Variants in NAA35 observed in about 807,000 individuals in gnomAD.
NAA35 encodes N-alpha-acetyltransferase 35, NatC auxiliary subunit, also known as MAK10 homolog, amino-acid N-acetyltransferase subunit.
In NAA35, 18 loss-of-function variants were observed where a neutral mutation model predicts 101.7. The ratio of observed to expected loss-of-function variants is 0.18; its 90% confidence interval spans 0.12 to 0.26. NAA35 has a LOEUF of 0.26. Among genes scored for constraint, NAA35 ranks in the 10% least tolerant of loss-of-function variants. The probability of loss-of-function intolerance (pLI) is 1.00; values close to 1 mark genes in which losing one functional copy is unlikely to be tolerated. For missense variants in NAA35, 601 were observed against 886.8 expected (o/e 0.68, Z 4.09); for synonymous variants, 267 against 273.1 (o/e 0.98, Z 0.22).
At position 85,962,108 on chromosome 9, in the gene NAA35, T is replaced by C; in HGVS notation, c.444T>C (p.Ala148=). 6.2e-7 allele frequency: 1 copy of C among 1,614,138 alleles called. No homozygotes were observed. ...PDFIEDPAMK[A]FALGILKICD... ...TTATAGAAGATCCTGCTATGAAGGC[T>C]TTTGCTCTGGGAATCTTGAAAATCT... The change falls in exon 6 of 23, where the codon GCT becomes GCC. Residue 148 remains alanine (A), a synonymous_variant. Coordinates refer to ENST00000361671, the MANE Select transcript of NAA35 (RefSeq NM_024635.4).
rs182904944 is a variant in NAA35 at position 85,993,915 on chromosome 9, C to A, written c.878-2484C>A. Among the ~76,000 whole-genome samples the A allele has an allele frequency of 1.6e-3, 246 of 152,238 alleles. 1 individual carries two copies. Among genetic ancestry groups the A allele is most frequent in the African/African-American group, 3.8e-3 (156 of 41,538 alleles). ...CCTCATCGTCCTGTACTCAAGCTGT[C>A]CTCCCATCTCAGCCTCCCCAGTAGC... On this transcript the variant is annotated intron_variant, in intron 11 of 22. Transcript: ENST00000361671.
At chr9:85,955,719 A>C (rs929210459) in intron 2 of NAA35, among the ~76,000 whole-genome samples, 1 of 152,208 alleles carries the variant, frequency 6.6e-6, no homozygotes, top group Non-Finnish European at 1.5e-5. Context: ...ACTTACCTGC[A>C]TATTAAAATC....
chr9:85,986,141 C>G (rs371472345), intron 11 of NAA35, among the ~76,000 whole-genome samples: 6 of 152,174 alleles, frequency 3.9e-5, no homozygotes, highest in East Asian at 1.9e-4. Context: ...ACCACTGTTG[C>G]ATTTGATGTA....
intron 21 of NAA35, among the ~76,000 whole-genome samples, chr9:86,020,557 A>G (rs1471409854): frequency 6.6e-6 from 1 of 152,208 alleles, no homozygotes; most frequent in Non-Finnish European, 1.5e-5. Flanking sequence ...TAATTAATAA[A>G]TTTTGACTGG....
At chr9:85,973,919 T>C (rs1028470333) in intron 6 of NAA35, among the ~76,000 whole-genome samples, 1 of 151,938 alleles carries the variant, frequency 6.6e-6, no homozygotes, top group African/African-American at 2.4e-5. Context: ...TGTAGCTCCA[T>C]CCCCTTTTGA....
rs529960925 is a variant in NAA35 at position 86,023,027 on chromosome 9, C to CT, written c.*1068dup. ...GTTCTCAGCTTCAAATATCTTAACT[C>CT]TGATTTGGTACCTTTCATAAAAACA... On this transcript the variant is annotated 3_prime_UTR_variant, in exon 23 of 23. Coordinates refer to ENST00000361671, the MANE Select transcript of NAA35 (RefSeq NM_024635.4). Among the ~76,000 whole-genome samples, 185 of 152,258 alleles carry CT rather than the reference C, an allele frequency of 1.2e-3. 1 individual carries two copies. Among genetic ancestry groups the CT allele is most frequent in the African/African-American group, 4.3e-3 (177 of 41,562 alleles).
intron 6 of NAA35, among the ~76,000 whole-genome samples, chr9:85,964,416 A>G (rs1157971994): frequency 6.6e-6 from 1 of 152,250 alleles, no homozygotes; most frequent in African/African-American, 2.4e-5. Context: ...TGTCCTGCAG[A>G]ACCACAACAC....
intron 21 of NAA35, 116 bp from the exon 22 acceptor site, chr9:86,020,773 T>A: frequency 1.6e-6 from 1 of 632,152 alleles, no homozygotes; most frequent in Non-Finnish European, 2.7e-6. Flanking sequence ...GAGGCTTCAG[T>A]GAGCCGTGTT....
chr9:85,978,159 C>T, intron 10 of NAA35, 108 bp from the exon 11 acceptor site: 1 of 703,490 alleles, frequency 1.4e-6, no homozygotes, highest in Non-Finnish European at 2.5e-6. Flanking sequence ...AAACCAATGT[C>T]ATTACAGCAA....
intron 11 of NAA35, chr9:85,986,505 G>A (rs903894205): frequency 2.1e-5 from 10 of 466,594 alleles, no homozygotes; most frequent in African/African-American, 2.0e-4. Context: ...GGAGGTGGAA[G>A]TCAGAGATAA....
intron 11 of NAA35, among the ~76,000 whole-genome samples, chr9:85,995,917 G>T (rs967353220): frequency 2.0e-5 from 3 of 152,126 alleles, no homozygotes; most frequent in Non-Finnish European, 2.9e-5. Context: ...CTCATTGAGG[G>T]TTGAGGGCAG....
At chr9:86,008,355 C>T (rs1264733484) in intron 14 of NAA35, among the ~76,000 whole-genome samples, 1 of 152,218 alleles carries the variant, frequency 6.6e-6, no homozygotes, top group Non-Finnish European at 1.5e-5. Context: ...AGCCACTGCA[C>T]CGGCCTAATA....
At position 85,978,403 on chromosome 9, in the gene NAA35, A is replaced by G. The variant is rs140476279; in HGVS notation, c.877+22A>G. 4.4e-4 allele frequency: 645 copies of G among 1,465,686 alleles called. 1 individual carries two copies. The African/African-American group carries it at 7.9e-3, about 18-fold the overall frequency. The allele number at this position is 1,465,686 out of a possible 1,614,324, so 90.8% of individuals were successfully genotyped here. ...GGAGGTAATTGTTCAATTTGCTCCT[A>G]CTCTTTCTTTTCTTCGTTTCTATCC... On this transcript the variant is annotated intron_variant, in intron 11 of 22. Transcript: ENST00000361671.
Position 86,013,785 on chromosome 9 carries a change from G to T in NAA35, c.1456G>T (p.Ala486Ser). The change falls in exon 17 of 23, where the codon GCC (alanine) becomes TCC (serine). Residue 486 changes from alanine to serine, a missense_variant. Physicochemically the swap from Ala to Ser is moderately conservative, Grantham distance 99. Coordinates refer to ENST00000361671, the MANE Select transcript of NAA35 (RefSeq NM_024635.4). The stretch of plus-strand genomic sequence containing the variant: ...ACAGGAACCCCAAAGGCAACATTTG[G>T]CCTGTTTAGGTACCTGGGTCCTTTA... ...LKQEPQRQHLACLGTWVLYHN... is the reference protein window; with the variant it reads ...LKQEPQRQHLSCLGTWVLYHN... 1 of 1,614,126 alleles carries T rather than the reference G, an allele frequency of 6.2e-7. No homozygotes were observed. The highest frequency in any genetic ancestry group is 8.5e-7 in the Non-Finnish European group (1 of 1,179,982).
intron 11 of NAA35, among the ~76,000 whole-genome samples, chr9:85,986,201 C>T (rs1028825461): frequency 2.0e-5 from 3 of 152,118 alleles, no homozygotes; most frequent in Admixed American, 6.5e-5. Context: ...TGAATTAAGC[C>T]TTATGAGACA....
chr9:86,014,157 T>G (rs993890173), intron 17 of NAA35, among the ~76,000 whole-genome samples: 2 of 152,242 alleles, frequency 1.3e-5, no homozygotes, highest in African/African-American at 4.8e-5. Context: ...GAAGATCATT[T>G]ATTTGCTCCT....
chr9:85,988,522 G>A (rs560885687), intron 11 of NAA35, among the ~76,000 whole-genome samples: 4 of 152,338 alleles, frequency 2.6e-5, no homozygotes, highest in Admixed American at 2.0e-4. Context: ...ATGGAGGGCC[G>A]GGCGTGGTGG....
At chr9:86,000,714 T>G (rs950162002) in intron 12 of NAA35, among the ~76,000 whole-genome samples, 2 of 152,098 alleles carry the variant, frequency 1.3e-5, no homozygotes, top group Admixed American at 6.6e-5. Flanking sequence ...TTCTGATGGT[T>G]GTTTTTATTT....
At chr9:85,973,542 T>C (rs1830083030) in intron 6 of NAA35, among the ~76,000 whole-genome samples, 1 of 152,072 alleles carries the variant, frequency 6.6e-6, no homozygotes, top group African/African-American at 2.4e-5. Flanking sequence ...TGATACAGGA[T>C]GTAGAAAAAC....
Sources: allele counts gnomAD v4.1 joint callset (sites outside exome capture counted in the v4.1 genomes callset), GRCh38; gene constraint gnomAD v4.1.1; transcripts MANE v1.5; gene names NCBI Gene and HGNC (gene_info 2026-07-23, HGNC 2026-07-21).